Variants in POU6F2 observed in about 807,000 individuals in gnomAD.
POU6F2 encodes the protein POU domain, class 6, transcription factor 2.
A neutral mutation model predicts 71.3 loss-of-function variants in POU6F2; 31 were observed. The observed-to-expected ratio is 0.43, with a 90% confidence interval of 0.33 to 0.59. The LOEUF (loss-of-function observed/expected upper bound fraction) is 0.59, where lower values mean the gene tolerates loss of function less well. POU6F2 is among the 20% of genes least tolerant of loss of function. POU6F2 has a pLI of 0.04. For synonymous variants in POU6F2, 347 were observed against 355.7 expected (o/e 0.98, Z 0.27); for missense variants, 783 against 856.8 (o/e 0.91, Z 1.07).
chr7:39,170,009 C>T (rs566263722), intron 2 of POU6F2, among the ~76,000 whole-genome samples: 1 of 152,116 alleles, frequency 6.6e-6, no homozygotes, highest in South Asian at 2.1e-4. Flanking sequence ...ATGGCGAAAC[C>T]CTGTTTCTAC....
chr7:39,199,419 A>G (rs909801595), intron 2 of POU6F2, among the ~76,000 whole-genome samples: 4 of 152,140 alleles, frequency 2.6e-5, no homozygotes, highest in Non-Finnish European at 5.9e-5. Flanking sequence ...GTGAACATCT[A>G]TTTTACTTTT....
chr7:39,057,902 T>C (rs145886086), intron 1 of POU6F2, among the ~76,000 whole-genome samples: 11 of 152,282 alleles, frequency 7.2e-5, no homozygotes, highest in African/African-American at 9.6e-5. Context: ...AGGCCTCACA[T>C]TGGGTATTGG....
intron 2 of POU6F2, among the ~76,000 whole-genome samples, chr7:39,165,871 TA>T (rs1386331376): frequency 6.6e-6 from 1 of 152,148 alleles, no homozygotes; most frequent in Non-Finnish European, 1.5e-5. Flanking sequence ...CACACATGAG[TA>T]AAACTTTCTC....
intron 5 of POU6F2, among the ~76,000 whole-genome samples, chr7:39,400,743 A>C (rs1787279888): frequency 6.6e-6 from 1 of 152,214 alleles, no homozygotes. Context: ...TGGAACACTC[A>C]CAGAAAATTA....
intron 1 of POU6F2, among the ~76,000 whole-genome samples, chr7:39,027,192 T>C (rs1396447798): frequency 2.0e-5 from 3 of 152,168 alleles, no homozygotes; most frequent in Non-Finnish European, 4.4e-5. Context: ...GAATGAGTAA[T>C]AGGAAATATA....
At chr7:39,213,987 A>G (rs1461521719) in intron 4 of POU6F2, among the ~76,000 whole-genome samples, 3 of 152,312 alleles carry the variant, frequency 2.0e-5, no homozygotes, top group Non-Finnish European at 2.9e-5. Context: ...TGTATAGCTT[A>G]TAGATGCTGG....
intron 4 of POU6F2, among the ~76,000 whole-genome samples, chr7:39,336,188 A>C (rs1785773994): frequency 1.3e-5 from 2 of 152,172 alleles, no homozygotes; most frequent in African/African-American, 4.8e-5. Flanking sequence ...CTATTAACTA[A>C]ATGTATGATT....
chr7:39,379,682 T>C (rs1225579863), intron 5 of POU6F2, among the ~76,000 whole-genome samples: 1 of 151,984 alleles, frequency 6.6e-6, no homozygotes, highest in Non-Finnish European at 1.5e-5. Context: ...GTTCTCCTTT[T>C]TTCTTTTAAA....
At chr7:39,373,457 A>G (rs1441739036) in intron 5 of POU6F2, 1 of 456,578 alleles carries the variant, frequency 2.2e-6, no homozygotes, top group Admixed American at 2.4e-5. Context: ...AAAATCATAA[A>G]TGTTTCTTTT....
intron 4 of POU6F2, among the ~76,000 whole-genome samples, chr7:39,258,028 C>A (rs1784059518): frequency 6.6e-6 from 1 of 152,166 alleles, no homozygotes; most frequent in South Asian, 2.1e-4. Context: ...TGTTTCCCCC[C>A]ATTTCCTACA....
chr7:39,243,600 G>C (rs1408802585), intron 4 of POU6F2, among the ~76,000 whole-genome samples: 1 of 152,040 alleles, frequency 6.6e-6, no homozygotes, highest in Non-Finnish European at 1.5e-5. Flanking sequence ...AGCTCTAGGA[G>C]AGTTATTTTA....
chr7:39,033,274 C>T (rs1438587261), intron 1 of POU6F2, among the ~76,000 whole-genome samples: 2 of 152,164 alleles, frequency 1.3e-5, no homozygotes, highest in East Asian at 1.9e-4. Flanking sequence ...CATATATGTG[C>T]GTTGGGCTAT....
chr7:38,979,888 C>T (rs1484030925), intron 1 of POU6F2, among the ~76,000 whole-genome samples: 1 of 151,958 alleles, frequency 6.6e-6, no homozygotes, highest in Admixed American at 6.6e-5. Flanking sequence ...TCAGGAAAGT[C>T]ACTTGTAGTT....
At chr7:39,292,671 C>T (rs760526796) in intron 4 of POU6F2, among the ~76,000 whole-genome samples, 1 of 152,208 alleles carries the variant, frequency 6.6e-6, no homozygotes, top group Non-Finnish European at 1.5e-5. Context: ...TTGCCCTGTA[C>T]ATAAGCTGAC....
chr7:39,398,095 A>C, intron 5 of POU6F2, among the ~76,000 whole-genome samples: 1 of 152,002 alleles, frequency 6.6e-6, no homozygotes, highest in Non-Finnish European at 1.5e-5. Flanking sequence ...TTTTCTGTAA[A>C]TATTAAAGAG....
chr7:39,210,653 C>T (rs1416425132), intron 4 of POU6F2, among the ~76,000 whole-genome samples: 2 of 152,098 alleles, frequency 1.3e-5, no homozygotes, highest in Non-Finnish European at 2.9e-5. Context: ...GGTCATATCA[C>T]AATCTCCTCT....
At chr7:39,350,061 C>G (rs1216278047) in intron 5 of POU6F2, among the ~76,000 whole-genome samples, 2 of 152,202 alleles carry the variant, frequency 1.3e-5, no homozygotes, top group African/African-American at 4.8e-5. Flanking sequence ...TCTGAAGGCT[C>G]AGTTGGGCTC....
Position 39,433,193 on chromosome 7 carries a change from C to T in POU6F2, c.1230C>T (p.Gly410=). The change falls in exon 7 of 10, where the codon GGC becomes GGT. Residue 410 remains glycine, a synonymous_variant. Transcript: ENST00000518318. Reference sequence around the variant, plus strand: ...CCCAGCTCCTCACAAACGCCCAGGGCCAGATCATCGCCACAGTCATTGGGA... The same window carrying T: ...CCCAGCTCCTCACAAACGCCCAGGGTCAGATCATCGCCACAGTCATTGGGA... The part of the protein sequence containing the change: ...ITPQLLTNAQ[G]QIIATVIGNQ... 6.2e-7 allele frequency: 1 copy of T among 1,613,888 alleles called. No individual in the cohort carries two copies. Among genetic ancestry groups the T allele is most frequent in the South Asian group, 1.1e-5 (1 of 91,076 alleles).
chr7:39,212,560 C>T (rs906194119), intron 4 of POU6F2, among the ~76,000 whole-genome samples: 12 of 152,170 alleles, frequency 7.9e-5, no homozygotes, highest in African/African-American at 2.4e-4. Context: ...CTTCCAAGTA[C>T]CATCCATCAT....
Sources: gnomAD v4.1 joint callset for allele counts (sites outside exome capture counted in the v4.1 genomes callset) on GRCh38, gnomAD v4.1.1 for gene constraint, MANE v1.5 for transcripts, NCBI Gene and HGNC (gene_info 2026-07-23, HGNC 2026-07-21) for gene names.